NEMP2: variants seen among roughly 807,000 people sequenced by gnomAD.
NEMP2 encodes the protein nuclear envelope integral membrane protein 2, also known as UPF0571 transmembrane protein.
NEMP2 carries 53 observed loss-of-function variants against 54.2 expected under a neutral mutation model. The observed-to-expected ratio is 0.98, with a 90% CI of 0.78 to 1.23. NEMP2 has a LOEUF of 1.23. Ranked by LOEUF, NEMP2 falls within the 50% of genes most tolerant of loss-of-function variation. NEMP2 has a pLI of 0.00. For synonymous variants in NEMP2, 197 were observed against 190.3 expected (o/e 1.04, Z -0.29); for missense variants, 455 against 511.3 (o/e 0.89, Z 1.06).
Position 190,519,102 on chromosome 2 carries a change from A to G in NEMP2, c.295T>C (p.Ser99Pro). Residue 99 changes from serine to proline, a missense_variant, in exon 3 of 9, where the codon TCT becomes CCT. Ser to Pro is a moderately conservative substitution (Grantham distance 74). Around this residue, in one of 3 missense-constraint regions of NEMP2, gnomAD observed 61 missense variants for 97.5 expected, o/e 0.63. Coordinates refer to ENST00000409150, the MANE Select transcript of NEMP2 (RefSeq NM_001142645.2). The surrounding 1 kb of genome is among the most constrained non-coding windows in gnomAD (Gnocchi z 5.4). ...HNCQYPENIL[S>P]FIKCVIHNFW... is the part of the protein sequence containing the mutation. The stretch of plus-strand genomic sequence containing the variant: ...TTATGAATCACACATTTGATAAAAG[A>G]TAGAATGTTTTCTGGATATTGGCAA... 1 of 1,551,160 alleles carries G rather than the reference A, an allele frequency of 6.4e-7. No homozygotes were observed. The highest frequency in any genetic ancestry group is 8.7e-7 in the Non-Finnish European group (1 of 1,146,840).
At chr2:190,544,419 T>G in the NEMP2 span, among the ~76,000 whole-genome samples, 13 of 152,114 alleles carry the variant, frequency 8.5e-5, no homozygotes, top group African/African-American at 3.1e-4. Flanking sequence ...TTGCTAAAGC[T>G]CTTGGTAAAA....
Position 190,533,010 on chromosome 2 carries a change from T to C in NEMP2, c.97+1549A>G, listed in dbSNP as rs2125355461. 6.6e-6 allele frequency among the ~76,000 whole-genome samples: 1 copy of C among 152,344 alleles called. No homozygotes were observed. The highest frequency in any genetic ancestry group is 2.1e-4 in the South Asian group (1 of 4,822). On this transcript the variant is annotated intron_variant, in intron 1 of 8. Transcript: ENST00000409150. This position sits in a 1 kb window ranked among gnomAD's most constrained non-coding sequence, Gnocchi z 4.3. The stretch of plus-strand genomic sequence containing the variant: ...AATAAGTATTTATGTGTGTCTTTGA[T>C]TAACAAAGCAGAGAAGCAGGCTGTT...
In NEMP2 at chr2:190,510,681, A is replaced by C. The variant is rs1363912097; in HGVS notation, c.954-144T>G. On this transcript the variant is annotated intron_variant, in intron 7 of 8. Coordinates refer to ENST00000409150, the MANE Select transcript of NEMP2 (RefSeq NM_001142645.2). The surrounding 1 kb of genome is among the most constrained non-coding windows in gnomAD (Gnocchi z 5.7). ...CGGATCACGAGGTCAGGAGATTGAGACGGTCCTGGCTAACAAGGTGAAACA... is the reference window on the plus strand; with the variant it reads ...CGGATCACGAGGTCAGGAGATTGAGCCGGTCCTGGCTAACAAGGTGAAACA... The C allele has an allele frequency of 1.3e-6, 1 of 741,728 alleles. No homozygotes were observed. The highest frequency in any genetic ancestry group is 1.8e-5 in the African/African-American group (1 of 56,620). The allele number at this position is 741,728 out of a possible 1,614,324, so 45.9% of individuals were successfully genotyped here.
the NEMP2 span, among the ~76,000 whole-genome samples, chr2:190,581,709 A>T: frequency 6.6e-6 from 1 of 152,210 alleles, no homozygotes; most frequent in African/African-American, 2.4e-5. Flanking sequence ...TGAGAGATAT[A>T]TATGTTCTAT....
At chr2:190,484,609 T>C in the NEMP2 span, among the ~76,000 whole-genome samples, 74 of 152,270 alleles carry the variant, frequency 4.9e-4, 4 homozygotes, top group South Asian at 0.015. Context: ...AGTAAAAACA[T>C]TGGCAAGAGC....
Position 190,533,950 on chromosome 2 carries a change from G to C in NEMP2, c.97+609C>G. 1.0e-6 allele frequency: 1 copy of C among 984,426 alleles called. No homozygotes were observed. 61.0% of individuals were successfully genotyped at this position (984,426 alleles called of 1,614,324 possible). ...CAGCTAGCAGCCGCTACCAGTTCTT[G>C]CTTCCTGTGTGCCAGGCATTGTGCA... On this transcript the variant is annotated intron_variant, in intron 1 of 8. Transcript: ENST00000409150. The surrounding 1 kb of genome is among the most constrained non-coding windows in gnomAD (Gnocchi z 4.3).
intron 1 of NEMP2, among the ~76,000 whole-genome samples, chr2:190,526,621 T>C (rs1690945916): frequency 6.6e-6 from 1 of 152,194 alleles, no homozygotes; most frequent in South Asian, 2.1e-4. Flanking sequence ...ACAGATTCAT[T>C]TTATCAAGGA....
At chr2:190,488,884 T>C in the NEMP2 span, 1 of 1,383,788 alleles carries the variant, frequency 7.2e-7, no homozygotes. The surrounding 1 kb of genome is among the most constrained non-coding windows in gnomAD (Gnocchi z 6.4). Context: ...CAGCAATACC[T>C]CAATAAACAA....
the NEMP2 span, among the ~76,000 whole-genome samples, chr2:190,495,497 T>C: frequency 6.6e-6 from 1 of 151,864 alleles, no homozygotes; most frequent in Admixed American, 6.6e-5. The surrounding 1 kb of genome is among the most constrained non-coding windows in gnomAD (Gnocchi z 4.7). Flanking sequence ...GAAAAAACAA[T>C]CCTAAATTTC....
chr2:190,541,480 G>A, the NEMP2 span, among the ~76,000 whole-genome samples: 1 of 151,854 alleles, frequency 6.6e-6, no homozygotes, highest in African/African-American at 2.4e-5. This position sits in a 1 kb window ranked among gnomAD's most constrained non-coding sequence, Gnocchi z 5.2. Flanking sequence ...TTAATTTCTT[G>A]TTTCATTAAT....
At chr2:190,643,761 T>C in the NEMP2 span, among the ~76,000 whole-genome samples, 21 of 152,260 alleles carry the variant, frequency 1.4e-4, no homozygotes, top group African/African-American at 4.8e-4. Context: ...ATCCTGTTTC[T>C]ATAAAAAATA....
chr2:190,507,848 G>A lies in NEMP2; in HGVS notation c.*1341C>T, dbSNP rs1342590571. The A allele has an allele frequency of 2.6e-5, 4 of 151,934 alleles. No individual in the cohort carries two copies. The highest frequency in any genetic ancestry group is 4.4e-5 in the Non-Finnish European group (3 of 67,990). The allele number at this position is 151,934 out of a possible 1,614,324, so 9.4% of individuals were successfully genotyped here. ...AGTGCCAAAATTCTGTCTATCCTTCGCCCATAACCTTTGTCCTGATAAAAA... is the reference window on the plus strand; with the variant it reads ...AGTGCCAAAATTCTGTCTATCCTTCACCCATAACCTTTGTCCTGATAAAAA... On this transcript the variant is annotated 3_prime_UTR_variant, in exon 9 of 9. Coordinates refer to ENST00000409150, the MANE Select transcript of NEMP2 (RefSeq NM_001142645.2). The surrounding 1 kb of genome is among the most constrained non-coding windows in gnomAD (Gnocchi z 4.4).
At chr2:190,572,512 G>A in the NEMP2 span, among the ~76,000 whole-genome samples, 2 of 152,060 alleles carry the variant, frequency 1.3e-5, no homozygotes, top group Non-Finnish European at 2.9e-5. Flanking sequence ...GTCCATAGCT[G>A]GGCATCCCTG....
At chr2:190,549,458 G>A in the NEMP2 span, among the ~76,000 whole-genome samples, 1 of 152,140 alleles carries the variant, frequency 6.6e-6, no homozygotes, top group African/African-American at 2.4e-5. Context: ...TGTAGAAAAG[G>A]CAGGATAAGT....
At chr2:190,516,898 C>G (rs984787592) in intron 5 of NEMP2, among the ~76,000 whole-genome samples, 1 of 152,040 alleles carries the variant, frequency 6.6e-6, no homozygotes, top group African/African-American at 2.4e-5. Context: ...CAAGACCAGC[C>G]TGGGCAACAT....
chr2:190,534,622 G>A lies in NEMP2; in HGVS notation c.34C>T (p.Leu12Phe). Residue 12 changes from leucine (L) to phenylalanine (F), a missense_variant, in exon 1 of 9, where the codon CTC becomes TTC. By Grantham distance (22) the Leu-to-Phe change is conservative. Transcript: ENST00000409150. ...AGTGTGGCCAGGGGCGGCAGCCAGA[G>A]CAGCAGCCACCACCGCCCTTGGCGC... ...GPRQGRWWLL[L>F]WLPPLATLPV... The A allele has an allele frequency of 7.3e-7, 1 of 1,372,050 alleles. No homozygotes were observed. Among genetic ancestry groups the A allele is most frequent in the Non-Finnish European group, 9.4e-7 (1 of 1,066,028 alleles). The allele number at this position is 1,372,050 out of a possible 1,614,324, so 85.0% of individuals were successfully genotyped here. A position where few individuals can be genotyped will look rare whatever the true frequency, so the allele number is the denominator to read the frequency against.
chr2:190,487,001 G>T, the NEMP2 span, among the ~76,000 whole-genome samples: 1 of 152,126 alleles, frequency 6.6e-6, no homozygotes, highest in Non-Finnish European at 1.5e-5. This position sits in a 1 kb window ranked among gnomAD's most constrained non-coding sequence, Gnocchi z 5.5. Flanking sequence ...TATAAAACTG[G>T]TAATGGGACA....
the NEMP2 span, chr2:190,437,182 G>A: frequency 9.9e-6 from 16 of 1,614,156 alleles, no homozygotes; most frequent in Middle Eastern, 1.6e-4. The surrounding 1 kb of genome is among the most constrained non-coding windows in gnomAD (Gnocchi z 5.9). Flanking sequence ...GGCCTTGATC[G>A]TTGCCACTCA....
At chr2:190,501,114 C>T (rs1690002429), downstream of NEMP2, 1 of 152,186 alleles carries the variant, frequency 6.6e-6, no homozygotes, top group Non-Finnish European at 1.5e-5. Context: ...ACACAAAAAT[C>T]ACTGAATTCC....
Sources: allele counts gnomAD v4.1 joint callset (sites outside exome capture counted in the v4.1 genomes callset), GRCh38; gene constraint gnomAD v4.1.1; regional missense constraint gnomAD v4.1.1; non-coding constraint Gnocchi (gnomAD v3.1); transcripts MANE v1.5; gene names NCBI Gene and HGNC (gene_info 2026-07-23, HGNC 2026-07-21).